RPTOR: variants seen among roughly 807,000 people sequenced by gnomAD.
RPTOR encodes regulatory-associated protein of mTOR.
Under a neutral mutation model 169.9 loss-of-function variants are expected in RPTOR, and 21 were observed. The ratio of observed to expected loss-of-function variants is 0.12; its 90% CI spans 0.09 to 0.18. The LOEUF (loss-of-function observed/expected upper bound fraction) is 0.18. Ranked by LOEUF, RPTOR falls within the 10% of genes least tolerant of loss-of-function variation. The probability of loss-of-function intolerance (pLI) is 1.00; values close to 1 mark genes in which losing one functional copy is unlikely to be tolerated. For missense variants in RPTOR, 1,133 were observed against 1,855.9 expected, an observed-to-expected ratio of 0.61 and a Z score of 7.16; for synonymous variants, 732 against 753.2, an observed-to-expected ratio of 0.97 and a Z score of 0.46.
rs907671423 is a variant in RPTOR at position 80,875,503 on chromosome 17, T to C, written c.1510-4912T>C. 7.9e-5 allele frequency among the ~76,000 whole-genome samples: 12 copies of C among 152,342 alleles called. No individual in the cohort carries two copies. The East Asian group carries it at 2.3e-3, about 29-fold the overall frequency. The stretch of plus-strand genomic sequence containing the variant: ...CTCAGGAAAAAAAATGTCATGTTCA[T>C]GCTCTTCCCACCTGCTTTCTACTCT... On this transcript the variant is annotated intron_variant, in intron 13 of 33. Transcript: ENST00000306801.
At chr17:80,918,816 A>G (rs1477830146) in intron 21 of RPTOR, among the ~76,000 whole-genome samples, 1 of 152,128 alleles carries the variant, frequency 6.6e-6, no homozygotes, top group African/African-American at 2.4e-5. Flanking sequence ...AGCAAGCTGC[A>G]TCGTCAGCAC....
At chr17:80,810,867 C>G (rs2067265507) in intron 7 of RPTOR, among the ~76,000 whole-genome samples, 2 of 152,122 alleles carry the variant, frequency 1.3e-5, no homozygotes, top group South Asian at 2.1e-4. Flanking sequence ...AAATTAATGT[C>G]AGTTTAAAAA....
In RPTOR at chr17:80,562,925, G is replaced by A. The variant is rs12951500; in HGVS notation, c.162+17134G>A. On this transcript the variant is annotated intron_variant, in intron 1 of 33. Coordinates refer to ENST00000306801, the MANE Select transcript of RPTOR (RefSeq NM_020761.3). The surrounding 1 kb of genome is among the most constrained non-coding windows in gnomAD (Gnocchi z 4.4). ...AGGTCCAGATTTAGTTTTCAGCTAG[G>A]TGTGACCGTCGCCTGCCTTGCTGCC... Among the ~76,000 whole-genome samples, 25,004 of 152,264 alleles carry A rather than the reference G, an allele frequency of 0.16. 2,347 individuals carry two copies. The highest frequency in any genetic ancestry group is 0.28 in the East Asian group (1,429 of 5,184).
chr17:80,660,378 C>T (rs968928196), intron 3 of RPTOR, among the ~76,000 whole-genome samples: 12 of 151,890 alleles, frequency 7.9e-5, no homozygotes, highest in African/African-American at 2.4e-4. Flanking sequence ...AGTGTTGTGT[C>T]GTGTCATGTC....
chr17:80,724,866 C>T (rs1304473941), intron 4 of RPTOR, among the ~76,000 whole-genome samples: 1 of 152,182 alleles, frequency 6.6e-6, no homozygotes, highest in African/African-American at 2.4e-5. Context: ...CACGGGGTGG[C>T]GGCACCGTGT....
chr17:80,559,221 G>A (rs1277371911), intron 1 of RPTOR, among the ~76,000 whole-genome samples: 1 of 152,122 alleles, frequency 6.6e-6, no homozygotes, highest in African/African-American at 2.4e-5. Context: ...ACTGAGATGG[G>A]GCATTTTGGG....
Position 80,707,936 on chromosome 17 carries a change from T to C in RPTOR, c.444T>C (p.Phe148=). 1 of 1,614,020 alleles carries C rather than the reference T, an allele frequency of 6.2e-7. No individual in the cohort carries two copies. The highest frequency in any genetic ancestry group is 8.5e-7 in the Non-Finnish European group (1 of 1,179,990). The change falls in exon 4 of 34, where the codon TTT becomes TTC. Residue 148 remains phenylalanine (F), a synonymous_variant. Transcript: ENST00000306801. The surrounding 1 kb of genome is among the most constrained non-coding windows in gnomAD (Gnocchi z 5.0). ...RRNAKEERVL[F]HYNGHGVPRP... is the part of the protein sequence containing the mutation. ...ACGCCAAGGAGGAGCGAGTCCTCTT[T>C]CACTACAATGGCCACGGGGTGCCCC...
intron 3 of RPTOR, among the ~76,000 whole-genome samples, chr17:80,652,020 A>G (rs1357446907): frequency 6.6e-6 from 1 of 151,290 alleles, no homozygotes; most frequent in Non-Finnish European, 1.5e-5. Context: ...AAAAAAAAAA[A>G]TTAGCTGGGC....
chr17:80,772,270 C>G (rs2066851167), intron 6 of RPTOR, among the ~76,000 whole-genome samples: 1 of 152,178 alleles, frequency 6.6e-6, no homozygotes, highest in South Asian at 2.1e-4. Flanking sequence ...GATTGTCTTC[C>G]TTAATATCAC....
intron 4 of RPTOR, among the ~76,000 whole-genome samples, chr17:80,723,958 G>A (rs1598257600): frequency 1.3e-5 from 2 of 151,260 alleles, no homozygotes; most frequent in South Asian, 2.1e-4. Flanking sequence ...TGTCTGTTGG[G>A]GAGACCTCGA....
chr17:80,683,691 T>C lies in RPTOR; in HGVS notation c.349-24150T>C, dbSNP rs897697090. Reference sequence around the variant, plus strand: ...TTCTTATTTTATCCCATCAATCATCTGCTACTGTCATTGTTTATTTTGATG... The same window carrying C: ...TTCTTATTTTATCCCATCAATCATCCGCTACTGTCATTGTTTATTTTGATG... On this transcript the variant is annotated intron_variant, in intron 3 of 33. Transcript: ENST00000306801. 1.2e-4 allele frequency among the ~76,000 whole-genome samples: 18 copies of C among 152,352 alleles called. No individual in the cohort carries two copies. The South Asian group carries it at 1.7e-3, about 14-fold the overall frequency.
At chr17:80,600,048 G>T (rs2065174051) in intron 1 of RPTOR, among the ~76,000 whole-genome samples, 1 of 152,126 alleles carries the variant, frequency 6.6e-6, no homozygotes, top group African/African-American at 2.4e-5. Context: ...ATCTGGACTG[G>T]GCTGTGAGCT....
intron 2 of RPTOR, among the ~76,000 whole-genome samples, chr17:80,626,177 T>TA (rs1264145468): frequency 6.6e-6 from 1 of 152,046 alleles, no homozygotes; most frequent in Non-Finnish European, 1.5e-5. Flanking sequence ...CTCAGCCTCC[T>TA]TAGTAGCTGG....
chr17:80,945,747 C>T lies in RPTOR; in HGVS notation c.3106C>T (p.Pro1036Ser), dbSNP rs1372152202. 2.0e-5 allele frequency: 33 copies of T among 1,611,816 alleles called. No individual in the cohort carries two copies. The highest frequency in any genetic ancestry group is 2.7e-5 in the Non-Finnish European group (32 of 1,179,176). Residue 1036 changes from proline to serine, a missense_variant, in exon 26 of 34, where the codon CCG becomes TCG. Physicochemically the swap from Pro to Ser is moderately conservative, Grantham distance 74. Coordinates refer to ENST00000306801, the MANE Select transcript of RPTOR (RefSeq NM_020761.3). Reference protein sequence around the residue: ...PSVVKFHPFTPCIAVADKDSI... With the variant: ...PSVVKFHPFTSCIAVADKDSI... ...TGTGGTGAAATTCCACCCCTTCACG[C>T]CGTGCATCGCCGTAGCCGACAAGGA...
chr17:80,662,372 G>C (rs1430174812), intron 3 of RPTOR, among the ~76,000 whole-genome samples: 1 of 152,194 alleles, frequency 6.6e-6, no homozygotes, highest in East Asian at 1.9e-4. Flanking sequence ...CTTGCAGGTG[G>C]AAGGACGGGA....
chr17:80,848,067 G>A (rs1184836861), intron 11 of RPTOR, among the ~76,000 whole-genome samples: 1 of 152,254 alleles, frequency 6.6e-6, no homozygotes, highest in Non-Finnish European at 1.5e-5. Context: ...AGAAAGAGGA[G>A]TTGGGAGAAG....
chr17:80,575,639 C>T (rs4890047), intron 1 of RPTOR, among the ~76,000 whole-genome samples: 44,769 of 152,042 alleles, frequency 0.29, 6,954 homozygotes, highest in East Asian at 0.42. Context: ...CGTGCGTGGT[C>T]AGTTTTTGTA....
chr17:80,704,534 T>C (rs1046191242), intron 3 of RPTOR, among the ~76,000 whole-genome samples: 1 of 152,248 alleles, frequency 6.6e-6, no homozygotes, highest in African/African-American at 2.4e-5. Flanking sequence ...ACCCAGCACC[T>C]GGATGCAGCT....
intron 4 of RPTOR, among the ~76,000 whole-genome samples, chr17:80,715,813 C>T (rs148724589): frequency 0.012 from 1,762 of 151,504 alleles, 22 homozygotes; most frequent in Middle Eastern, 0.051. Flanking sequence ...TGAAAATATA[C>T]GATATTTGGT....
Sources: gnomAD v4.1 joint callset for allele counts (sites outside exome capture counted in the v4.1 genomes callset) on GRCh38, gnomAD v4.1.1 for gene constraint, Gnocchi (gnomAD v3.1) non-coding constraint, MANE v1.5 for transcripts, NCBI Gene and HGNC (gene_info 2026-07-23, HGNC 2026-07-21) for gene names.